IGHMBP2: variants seen among roughly 807,000 people sequenced by gnomAD.
IGHMBP2 encodes DNA-binding protein SMUBP-2.
A neutral mutation model predicts 96.0 loss-of-function variants in IGHMBP2; 81 were observed. The observed-to-expected ratio is 0.84, with a 90% CI of 0.71 to 1.01. The LOEUF is 1.01. Among genes scored for constraint, IGHMBP2 ranks in the 50% least tolerant of loss-of-function variants. IGHMBP2 has a pLI of 0.00. For missense variants in IGHMBP2, 1,227 were observed against 1,306.3 expected (o/e 0.94, Z 0.94); for synonymous variants, 557 against 548.9 (o/e 1.01, Z -0.21).
At chr11:68,938,139 G>C (rs1393520114) in intron 13 of IGHMBP2, 43 bp from the exon 14 acceptor site, 2 of 1,606,636 alleles carry the variant, frequency 1.2e-6, no homozygotes, top group East Asian at 4.5e-5. Flanking sequence ...GAGGGGCCAG[G>C]TGTTGTCTTT....
chr11:68,921,310 G>C (rs1858868412), intron 7 of IGHMBP2, among the ~76,000 whole-genome samples: 1 of 151,900 alleles, frequency 6.6e-6, no homozygotes, highest in Non-Finnish European at 1.5e-5. Context: ...TTTTGCCCAG[G>C]CTGGTCTCGA....
chr11:68,929,416 CGCTCAGCCAGGAGCCCCAG>C (rs1859189974), intron 8 of IGHMBP2, 59 bp downstream of exon 8: 1 of 1,525,126 alleles, frequency 6.6e-7, no homozygotes, highest in African/African-American at 1.4e-5. Context: ...GGTCCTTCCA[CGCTCAGCCAGGAGCCCCAG>C]GCTCACCAGG....
chr11:68,910,121 A>C (rs1858374416), intron 4 of IGHMBP2, among the ~76,000 whole-genome samples: 1 of 152,218 alleles, frequency 6.6e-6, no homozygotes, highest in African/African-American at 2.4e-5. Context: ...ATACTGTGCT[A>C]GGCAAGCCAG....
intron 7 of IGHMBP2, among the ~76,000 whole-genome samples, chr11:68,918,720 G>T (rs1858765818): frequency 6.6e-6 from 1 of 152,138 alleles, no homozygotes; most frequent in African/African-American, 2.4e-5. Context: ...TGCCCAGGCT[G>T]GTCTCAAACT....
chr11:68,911,558 G>C lies in IGHMBP2; in HGVS notation c.666G>C (p.Thr222=), dbSNP rs755634860. The C allele has an allele frequency of 6.2e-7, 1 of 1,614,144 alleles. No homozygotes were observed. Among genetic ancestry groups the C allele is most frequent in the East Asian group, 2.2e-5 (1 of 44,878 alleles). ...GACCTCCTGGCACTGGGAAAACCAC[G>C]ACTGTGGTTGAGATCATTCTTCAAG... is the stretch of plus-strand genomic sequence containing the variant. ...IHGPPGTGKT[T]TVVEIILQAV... Residue 222 remains threonine, a synonymous_variant, in exon 5 of 15, where the codon ACG becomes ACC. Coordinates refer to ENST00000255078, the MANE Select transcript of IGHMBP2 (RefSeq NM_002180.3).
At chr11:68,922,692 C>T (rs186508107) in intron 7 of IGHMBP2, among the ~76,000 whole-genome samples, 50 of 152,298 alleles carry the variant, frequency 3.3e-4, no homozygotes, top group Non-Finnish European at 6.0e-4. Flanking sequence ...CCGCACCCGG[C>T]CTCATGTTTT....
chr11:68,909,258 C>T (rs1414922067), intron 4 of IGHMBP2, among the ~76,000 whole-genome samples: 1 of 151,136 alleles, frequency 6.6e-6, no homozygotes, highest in Non-Finnish European at 1.5e-5. Context: ...TGGCTCACTG[C>T]AACCTCCGCC....
intron 5 of IGHMBP2, among the ~76,000 whole-genome samples, chr11:68,913,293 G>T (rs1479377029): frequency 6.6e-6 from 1 of 152,084 alleles, no homozygotes; most frequent in African/African-American, 2.4e-5. Flanking sequence ...ATTGGGTGCC[G>T]ACTATTCACT....
chr11:68,913,062 A>G (rs916713543), intron 5 of IGHMBP2, among the ~76,000 whole-genome samples: 1 of 149,614 alleles, frequency 6.7e-6, no homozygotes, highest in African/African-American at 2.4e-5. Flanking sequence ...AAAAAAAAAA[A>G]AAAAAACCAA....
chr11:68,937,909 GC>G, intron 13 of IGHMBP2: 4 of 492,252 alleles, frequency 8.1e-6, no homozygotes, highest in South Asian at 6.2e-5. Flanking sequence ...TGCCACCCCT[GC>G]CCCCAGGCAC....
chr11:68,911,362 G>A, intron 4 of IGHMBP2, 78 bp from the exon 5 acceptor site: 1 of 1,466,792 alleles, frequency 6.8e-7, no homozygotes, highest in Non-Finnish European at 9.5e-7. Context: ...TCATCCCCCG[G>A]GGCACACACT....
chr11:68,935,664 G>T (rs1173262249), intron 12 of IGHMBP2, among the ~76,000 whole-genome samples: 2 of 152,190 alleles, frequency 1.3e-5, no homozygotes, highest in African/African-American at 4.8e-5. Flanking sequence ...CGCAGGGTGG[G>T]CTGGGAATGA....
intron 11 of IGHMBP2, 139 bp from the exon 12 acceptor site, chr11:68,935,160 T>C (rs1859475034): frequency 1.8e-6 from 2 of 1,123,194 alleles, no homozygotes; most frequent in East Asian, 5.2e-5. Flanking sequence ...GGGAAGCCTT[T>C]CCCCATGGGG....
intron 8 of IGHMBP2, among the ~76,000 whole-genome samples, chr11:68,931,223 G>A (rs1443830161): frequency 6.6e-6 from 1 of 152,330 alleles, no homozygotes; most frequent in Admixed American, 6.5e-5. Context: ...AGTGGAAGCA[G>A]ACACCCATGA....
intron 10 of IGHMBP2, 127 bp from the exon 11 acceptor site, chr11:68,934,337 C>T: frequency 1.4e-6 from 1 of 735,302 alleles, no homozygotes; most frequent in South Asian, 1.5e-5. Context: ...GATTAGCTCC[C>T]AGGAAGCCAC....
intron 6 of IGHMBP2, 123 bp downstream of exon 6, chr11:68,915,146 A>G (rs1460239825): frequency 4.5e-6 from 2 of 442,442 alleles, no homozygotes; most frequent in African/African-American, 5.8e-5. Context: ...TCCTTTAATA[A>G]TTTTAAAAAT....
At chr11:68,929,740 A>G (rs2154008297) in intron 8 of IGHMBP2, 2 of 985,368 alleles carry the variant, frequency 2.0e-6, no homozygotes, top group East Asian at 1.1e-4. Context: ...TTAGTCTTCA[A>G]TCTGTAGACA....
intron 8 of IGHMBP2, chr11:68,929,603 C>A: frequency 2.4e-6 from 1 of 412,222 alleles, no homozygotes; most frequent in Non-Finnish European, 3.3e-6. Context: ...CAGGGCCTGG[C>A]ACGTTTCTGG....
At chr11:68,933,678 G>T (rs376746145) in intron 9 of IGHMBP2, 117 bp from the exon 10 acceptor site, 4 of 1,006,532 alleles carry the variant, frequency 4.0e-6, no homozygotes, top group Non-Finnish European at 6.1e-6. Context: ...GTCCTGATGT[G>T]CTCATTGTCC....
Sources: gnomAD v4.1 joint callset for allele counts (sites outside exome capture counted in the v4.1 genomes callset) on GRCh38, gnomAD v4.1.1 for gene constraint, MANE v1.5 for transcripts, NCBI Gene and HGNC (gene_info 2026-07-23, HGNC 2026-07-21) for gene names.